RAD51B: variants seen among roughly 807,000 people sequenced by gnomAD.
RAD51B encodes the protein RAD51 paralog B, also known as DNA repair protein RAD51 homolog 2.
Under a neutral mutation model 42.2 loss-of-function variants are expected in RAD51B, and 38 were observed. The observed-to-expected ratio is 0.90, with a 90% CI of 0.70 to 1.18. The LOEUF (loss-of-function observed/expected upper bound fraction) is 1.18. Ranked by LOEUF, RAD51B falls within the 50% of genes most tolerant of loss-of-function variation. The probability of loss-of-function intolerance (pLI) is 0.00; values close to 1 mark genes in which losing one functional copy is unlikely to be tolerated. For synonymous variants in RAD51B, 154 were observed against 145.2 expected (o/e 1.06, Z -0.43); for missense variants, 373 against 400.7 (o/e 0.93, Z 0.59).
At chr14:67,951,199 CA>C (rs1342588277) in intron 7 of RAD51B, among the ~76,000 whole-genome samples, 1 of 152,176 alleles carries the variant, frequency 6.6e-6, no homozygotes, top group Non-Finnish European at 1.5e-5. Context: ...TAAAAGACCA[CA>C]ATATATGTGA....
At chr14:67,945,869 A>G (rs1030225799) in intron 7 of RAD51B, among the ~76,000 whole-genome samples, 5 of 152,202 alleles carry the variant, frequency 3.3e-5, no homozygotes, top group African/African-American at 1.2e-4. Flanking sequence ...ACTTAGAATT[A>G]TTCTGGGAAG....
chr14:67,893,494 A>C (rs2043289569), intron 7 of RAD51B, among the ~76,000 whole-genome samples: 1 of 85,374 alleles, frequency 1.2e-5, no homozygotes. Flanking sequence ...ACACACACAC[A>C]CACACACACA....
At chr14:68,006,079 C>T (rs1434507974) in intron 7 of RAD51B, among the ~76,000 whole-genome samples, 2 of 152,178 alleles carry the variant, frequency 1.3e-5, no homozygotes, top group African/African-American at 2.4e-5. Context: ...GAAGGATCCA[C>T]CTCCATGATT....
chr14:68,172,250 T>A (rs1555942), intron 7 of RAD51B, among the ~76,000 whole-genome samples: 148,405 of 152,268 alleles, frequency 0.97, 72,330 homozygotes, highest in East Asian at 1. Flanking sequence ...AGTTAGGAGG[T>A]TGTAGATCCT....
chr14:67,834,952 CAAAT>C, intron 3 of RAD51B, 124 bp from the exon 4 acceptor site: 1 of 671,746 alleles, frequency 1.5e-6, no homozygotes, highest in Non-Finnish European at 2.5e-6. Context: ...ATTTGTTGAA[CAAAT>C]AAATAATAGA....
chr14:68,539,104 C>G (rs1274865034), intron 10 of RAD51B, among the ~76,000 whole-genome samples: 1 of 152,322 alleles, frequency 6.6e-6, no homozygotes, highest in Middle Eastern at 3.4e-3. Context: ...TATTCCCTAA[C>G]TTCTGAATCT....
downstream of RAD51B, among the ~76,000 whole-genome samples, chr14:68,482,149 A>G (rs1320364783): frequency 6.6e-6 from 1 of 150,876 alleles, no homozygotes; most frequent in Non-Finnish European, 1.5e-5. Flanking sequence ...GAAAGTAATT[A>G]ATGATGCAAT....
intron 7 of RAD51B, among the ~76,000 whole-genome samples, chr14:68,004,920 A>G (rs553784337): frequency 6.6e-6 from 1 of 151,404 alleles, no homozygotes; most frequent in Non-Finnish European, 1.5e-5. Context: ...GAGATTCATC[A>G]TGTTGTATTG....
At chr14:67,925,189 C>T (rs1030311136) in intron 7 of RAD51B, among the ~76,000 whole-genome samples, 7 of 152,202 alleles carry the variant, frequency 4.6e-5, no homozygotes, top group Admixed American at 1.3e-4. Flanking sequence ...AGGGTACAGC[C>T]CCCCTCCTAG....
At chr14:68,295,487 C>T (rs1285165325) in intron 8 of RAD51B, among the ~76,000 whole-genome samples, 3 of 152,192 alleles carry the variant, frequency 2.0e-5, no homozygotes, top group Non-Finnish European at 4.4e-5. Context: ...CCCCCATAGA[C>T]GTCCCTGCAG....
intron 10 of RAD51B, among the ~76,000 whole-genome samples, chr14:68,633,039 G>T (rs1352517779): frequency 8.9e-6 from 1 of 111,874 alleles, no homozygotes; most frequent in Non-Finnish European, 1.7e-5. Context: ...GGCTGGTCTT[G>T]AACACATGGG....
chr14:68,628,333 A>C (rs1159892782), intron 10 of RAD51B: 1 of 152,124 alleles, frequency 6.6e-6, no homozygotes, highest in Non-Finnish European at 1.5e-5. Flanking sequence ...GGAAGGGGTT[A>C]ACGCAGCGCC....
At chr14:68,647,481 C>G (rs1892586126) in intron 10 of RAD51B, among the ~76,000 whole-genome samples, 1 of 151,916 alleles carries the variant, frequency 6.6e-6, no homozygotes, top group African/African-American at 2.4e-5. Flanking sequence ...TCAGGAAATA[C>G]TTGATTAATT....
At chr14:68,298,878 A>T (rs1226705931) in intron 8 of RAD51B, among the ~76,000 whole-genome samples, 1 of 152,180 alleles carries the variant, frequency 6.6e-6, no homozygotes, top group Non-Finnish European at 1.5e-5. Flanking sequence ...GGTGGTGCCC[A>T]ACGATTAGTT....
intron 9 of RAD51B, among the ~76,000 whole-genome samples, chr14:68,455,893 A>G (rs2140199158): frequency 6.6e-6 from 1 of 151,670 alleles, no homozygotes; most frequent in South Asian, 2.1e-4. Flanking sequence ...TGGGCTTATA[A>G]TGTATAAAGA....
intron 7 of RAD51B, among the ~76,000 whole-genome samples, chr14:67,978,952 T>C (rs955281775): frequency 2.0e-5 from 3 of 152,234 alleles, no homozygotes; most frequent in African/African-American, 7.2e-5. Context: ...CACATTTCAT[T>C]TGATGGCATT....
intron 8 of RAD51B, among the ~76,000 whole-genome samples, chr14:68,409,595 G>C (rs953461337): frequency 6.6e-6 from 1 of 152,168 alleles, no homozygotes; most frequent in African/African-American, 2.4e-5. Flanking sequence ...GCCAAGGAAG[G>C]GGGAAGCTTT....
intron 11 of RAD51B, among the ~76,000 whole-genome samples, chr14:68,681,489 C>T (rs986656189): frequency 5.3e-5 from 8 of 152,262 alleles, no homozygotes; most frequent in South Asian, 4.1e-4. Flanking sequence ...TTTGCTAAGA[C>T]GGAGAGTGAG....
chr14:68,282,688 G>T (rs187469993), intron 7 of RAD51B, among the ~76,000 whole-genome samples: 58 of 152,278 alleles, frequency 3.8e-4, no homozygotes, highest in African/African-American at 1.3e-3. Context: ...GGCAGACCTT[G>T]TGACCTCTGT....
Sources: allele counts gnomAD v4.1 joint callset (sites outside exome capture counted in the v4.1 genomes callset), GRCh38; gene constraint gnomAD v4.1.1; transcripts MANE v1.5; gene names NCBI Gene and HGNC (gene_info 2026-07-23, HGNC 2026-07-21).